The following CACNB4 variants were observed in gnomAD, a reference collection of about 807,000 sequenced individuals.
The protein encoded by CACNB4 is calcium voltage-gated channel auxiliary subunit beta 4.
CACNB4 carries 32 observed loss-of-function variants against 71.2 expected under a neutral mutation model. That is an observed-to-expected ratio of 0.45 (90% confidence interval 0.34 to 0.60). The LOEUF (loss-of-function observed/expected upper bound fraction) is 0.60, where lower values mean the gene tolerates loss of function less well. Among genes scored for constraint, CACNB4 ranks in the 20% least tolerant of loss-of-function variants. CACNB4 has a pLI of 0.01. For missense variants in CACNB4, 464 were observed against 647.9 expected (o/e 0.72, Z 3.08); for synonymous variants, 231 against 236.9 (o/e 0.97, Z 0.23).
intron 2 of CACNB4, among the ~76,000 whole-genome samples, chr2:151,887,723 C>T (rs1019742238): frequency 1.3e-5 from 2 of 152,158 alleles, no homozygotes. Context: ...GTTATTTAAC[C>T]TTCTGCATCC....
In CACNB4 at chr2:151,833,955, C is replaced by T. The variant is rs2099834347; in HGVS notation, c.*5164G>A. The T allele has an allele frequency of 1.3e-5, 2 of 151,996 alleles. No individual in the cohort carries two copies. Among genetic ancestry groups the T allele is most frequent in the South Asian group, 4.1e-4 (2 of 4,824 alleles). The allele number at this position is 151,996 out of a possible 1,614,324, so 9.4% of individuals were successfully genotyped here. A position where few individuals can be genotyped will look rare whatever the true frequency, so the allele number is the denominator to read the frequency against. ...TAACATCCCAGAAAATATTGTAAGG[C>T]ATATGAAAAATAGTATGCAACGATA... On this transcript the variant is annotated 3_prime_UTR_variant, in exon 14 of 14. Coordinates refer to ENST00000539935, the MANE Select transcript of CACNB4 (RefSeq NM_000726.5).
At chr2:151,908,268 A>G (rs1348956481) in intron 2 of CACNB4, among the ~76,000 whole-genome samples, 2 of 152,250 alleles carry the variant, frequency 1.3e-5, no homozygotes, top group Non-Finnish European at 2.9e-5. Flanking sequence ...TATAAGATAG[A>G]CAGTGGTATA....
At chr2:151,880,983 T>A in intron 3 of CACNB4, 61 bp from the exon 4 acceptor site, 1 of 1,493,664 alleles carries the variant, frequency 6.7e-7, no homozygotes, top group Non-Finnish European at 9.0e-7. Context: ...ATTTTTCATA[T>A]TGAAACTCTG....
At chr2:151,941,306 G>C (rs1412432144) in intron 2 of CACNB4, among the ~76,000 whole-genome samples, 1 of 115,888 alleles carries the variant, frequency 8.6e-6, no homozygotes. Context: ...TTTTTAGCTT[G>C]CGTCTCGCTC....
At chr2:152,012,199 T>G (rs1178152033) in intron 2 of CACNB4, among the ~76,000 whole-genome samples, 1 of 151,890 alleles carries the variant, frequency 6.6e-6, no homozygotes, top group African/African-American at 2.4e-5. Flanking sequence ...CAGCTCCATG[T>G]GGGTTACTGC....
intron 2 of CACNB4, among the ~76,000 whole-genome samples, chr2:152,017,563 C>A (rs1683414973): frequency 6.6e-6 from 1 of 152,012 alleles, no homozygotes; most frequent in South Asian, 2.1e-4. Flanking sequence ...AAAAAATCAG[C>A]CGGGCATGGT....
rs1377353810 is a variant in CACNB4, at chr2:151,860,723, G to A, written c.856C>T (p.Arg286Trp). 2.5e-6 allele frequency: 4 copies of A among 1,609,812 alleles called. No individual in the cohort carries two copies. Among genetic ancestry groups the A allele is most frequent in the East Asian group, 2.2e-5 (1 of 44,850 alleles). ...KRAIIERSNTRSSLAEVQSEI... is the reference protein window; with the variant it reads ...KRAIIERSNTWSSLAEVQSEI... ...TTGAACATCTTACCTAAGCTGGACCGGGTGTTCGAACGTTCAATTATTGCT... is the reference window on the plus strand; with the variant it reads ...TTGAACATCTTACCTAAGCTGGACCAGGTGTTCGAACGTTCAATTATTGCT... The change falls in exon 10 of 14, where the codon CGG becomes TGG. Residue 286 changes from arginine (R) to tryptophan (W), a missense_variant. Physicochemically the swap from Arg to Trp is moderately radical, Grantham distance 101. Transcript: ENST00000539935.
At chr2:152,021,043 G>A (rs529803444) in intron 2 of CACNB4, among the ~76,000 whole-genome samples, 56 of 152,214 alleles carry the variant, frequency 3.7e-4, no homozygotes, top group Non-Finnish European at 6.5e-4. Flanking sequence ...ACGAGGTCAG[G>A]AGATTGAGAC....
chr2:151,917,834 CAAAAAAAAAA>C (rs35688438), intron 2 of CACNB4, among the ~76,000 whole-genome samples: 1 of 116,244 alleles, frequency 8.6e-6, no homozygotes, highest in South Asian at 3.1e-4. Flanking sequence ...GACACTGTCT[CAAAAAAAAAA>C]AAAAAAAAGA....
At chr2:151,960,112 C>T (rs1411998758) in intron 2 of CACNB4, among the ~76,000 whole-genome samples, 1 of 152,174 alleles carries the variant, frequency 6.6e-6, no homozygotes, top group Non-Finnish European at 1.5e-5. Context: ...ACAATCCAAG[C>T]AGTCTTCATG....
chr2:152,079,964 A>G (rs561999803), intron 2 of CACNB4, among the ~76,000 whole-genome samples: 1 of 152,302 alleles, frequency 6.6e-6, no homozygotes, highest in South Asian at 2.1e-4. Context: ...GCCAAGGTTG[A>G]GAATCACAGG....
intron 2 of CACNB4, among the ~76,000 whole-genome samples, chr2:151,924,835 T>G (rs1389957232): frequency 3.3e-5 from 5 of 152,222 alleles, no homozygotes; most frequent in African/African-American, 9.6e-5. Flanking sequence ...CAACTCCTTT[T>G]TGTAACACGG....
At chr2:152,003,423 G>A (rs936505644) in intron 2 of CACNB4, among the ~76,000 whole-genome samples, 1 of 151,744 alleles carries the variant, frequency 6.6e-6, no homozygotes, top group African/African-American at 2.4e-5. Context: ...TCCAGCCTGG[G>A]CGACAGACCA....
chr2:151,870,327 T>C lies in CACNB4; in HGVS notation c.699+204A>G, dbSNP rs116520081. On this transcript the variant is annotated intron_variant, in intron 8 of 13. Transcript: ENST00000539935. ...AGGGAGGTATTTCTAAACAATGTAA[T>C]ACATAAAAGATGAGAAGTGTGCAAG... is the stretch of plus-strand genomic sequence containing the variant. The C allele has an allele frequency of 2.2e-4, 155 of 703,956 alleles. No individual in the cohort carries two copies. In the African/African-American group the frequency reaches 2.4e-3, roughly 11 times the overall value. The allele number at this position is 703,956 out of a possible 1,614,324, so 43.6% of individuals were successfully genotyped here. A position where few individuals can be genotyped will look rare whatever the true frequency, so the allele number is the denominator to read the frequency against.
chr2:152,073,260 T>A (rs1332767396), intron 2 of CACNB4, among the ~76,000 whole-genome samples: 1 of 152,104 alleles, frequency 6.6e-6, no homozygotes, highest in Admixed American at 6.5e-5. Context: ...TCCAGCATAA[T>A]GATTTCCTTA....
At chr2:152,047,367 A>G (rs1685190052) in intron 2 of CACNB4, among the ~76,000 whole-genome samples, 1 of 152,202 alleles carries the variant, frequency 6.6e-6, no homozygotes, top group South Asian at 2.1e-4. Flanking sequence ...AGTTATGCCC[A>G]CAGGCCAAAC....
chr2:152,017,551 A>G (rs1439975570), intron 2 of CACNB4, among the ~76,000 whole-genome samples: 8 of 151,856 alleles, frequency 5.3e-5, no homozygotes, highest in African/African-American at 1.9e-4. Context: ...TACTAAAAAT[A>G]CAAAAAATCA....
intron 2 of CACNB4, among the ~76,000 whole-genome samples, chr2:151,906,058 C>T (rs1397986641): frequency 3.3e-5 from 5 of 152,328 alleles, no homozygotes; most frequent in South Asian, 2.1e-4. Context: ...ACACACATCA[C>T]GCTATCCTCT....
intron 2 of CACNB4, among the ~76,000 whole-genome samples, chr2:152,069,182 A>G (rs148770345): frequency 3.2e-4 from 48 of 152,296 alleles, no homozygotes; most frequent in African/African-American, 1.0e-3. Flanking sequence ...GAGGCATGGT[A>G]TCACCAATCA....
Sources: gnomAD v4.1 joint callset for allele counts (sites outside exome capture counted in the v4.1 genomes callset) on GRCh38, gnomAD v4.1.1 for gene constraint, MANE v1.5 for transcripts, NCBI Gene and HGNC (gene_info 2026-07-23, HGNC 2026-07-21) for gene names.